Variants in SLC44A5 observed in about 807,000 individuals in gnomAD.
SLC44A5 encodes the protein choline transporter-like protein 5.
In SLC44A5, 57 loss-of-function variants were observed where a neutral mutation model predicts 101.8. The observed-to-expected ratio is 0.56, with a 90% CI of 0.45 to 0.70. The LOEUF (loss-of-function observed/expected upper bound fraction) is 0.70, where lower values mean the gene tolerates loss of function less well. Ranked by LOEUF, SLC44A5 falls within the 30% of genes least tolerant of loss-of-function variation. The pLI is 0.00. For missense variants in SLC44A5, 737 were observed against 853.1 expected, an observed-to-expected ratio of 0.86 and a Z score of 1.70; for synonymous variants, 281 against 290.9, an observed-to-expected ratio of 0.97 and a Z score of 0.35.
chr1:75,571,195 A>G (rs1673054414), intron 1 of SLC44A5, among the ~76,000 whole-genome samples: 1 of 152,216 alleles, frequency 6.6e-6, no homozygotes, highest in South Asian at 2.1e-4. Context: ...ATATATTATG[A>G]AAAAACATAG....
intron 2 of SLC44A5, among the ~76,000 whole-genome samples, chr1:75,419,901 C>T (rs1199566514): frequency 2.0e-5 from 3 of 152,196 alleles, no homozygotes; most frequent in South Asian, 2.1e-4. Context: ...AAGTTAAAGA[C>T]GTGTCTGCTG....
At chr1:75,385,672 A>G (rs1661276015) in intron 3 of SLC44A5, among the ~76,000 whole-genome samples, 1 of 152,210 alleles carries the variant, frequency 6.6e-6, no homozygotes, top group Non-Finnish European at 1.5e-5. Flanking sequence ...TATTCCAATC[A>G]ATAGAAAAAG....
chr1:75,589,556 CA>C (rs937163351), intron 1 of SLC44A5, among the ~76,000 whole-genome samples: 24 of 152,134 alleles, frequency 1.6e-4, no homozygotes, highest in African/African-American at 5.8e-4. Flanking sequence ...ATCCAATTAA[CA>C]ACTATCTACA....
chr1:75,582,379 A>G lies in SLC44A5; in HGVS notation c.-70+28661T>C, dbSNP rs1278121264. 5 of 871,076 alleles carry G rather than the reference A, an allele frequency of 5.7e-6. No individual in the cohort carries two copies. The Admixed American group carries it at 8.0e-5, about 14-fold the overall frequency. 54.0% of individuals were successfully genotyped at this position (871,076 alleles called of 1,614,324 possible). A position where few individuals can be genotyped will look rare whatever the true frequency, so the allele number is the denominator to read the frequency against. ...AGGGTGTCAGCCACAAGCTCCATCGACTTGCCCACATTGCCCACTCCAAGC... is the reference window on the plus strand; with the variant it reads ...AGGGTGTCAGCCACAAGCTCCATCGGCTTGCCCACATTGCCCACTCCAAGC... On this transcript the variant is annotated intron_variant, in intron 1 of 23. Coordinates refer to ENST00000370859, the MANE Select transcript of SLC44A5 (RefSeq NM_001130058.2).
intron 2 of SLC44A5, among the ~76,000 whole-genome samples, chr1:75,458,033 G>A (rs554155158): frequency 6.6e-6 from 1 of 152,224 alleles, no homozygotes; most frequent in South Asian, 2.1e-4. Context: ...AATGAGCCCA[G>A]CACATAAACA....
chr1:75,537,276 C>T (rs961116907), intron 2 of SLC44A5, among the ~76,000 whole-genome samples: 1 of 151,916 alleles, frequency 6.6e-6, no homozygotes, highest in East Asian at 1.9e-4. Flanking sequence ...CTTTATTTCT[C>T]TTCTAATCAA....
the SLC44A5 span, among the ~76,000 whole-genome samples, chr1:75,643,353 G>A: frequency 0.79 from 119,686 of 152,106 alleles, 47,853 homozygotes; most frequent in East Asian, 0.96. Flanking sequence ...TTTCATTAAA[G>A]TAGTCTTTGG....
the SLC44A5 span, among the ~76,000 whole-genome samples, chr1:75,618,870 GA>G: frequency 1.7e-3 from 257 of 152,166 alleles, no homozygotes; most frequent in African/African-American, 6.0e-3. Context: ...AGGAGTTCAC[GA>G]CCAGCCTGGC....
At chr1:75,578,333 A>ATT (rs1209197523) in intron 1 of SLC44A5, among the ~76,000 whole-genome samples, 1 of 151,286 alleles carries the variant, frequency 6.6e-6, no homozygotes, top group Non-Finnish European at 1.5e-5. Flanking sequence ...ACAAAAAAAC[A>ATT]TCTAACACAC....
chr1:75,204,369 T>C (rs1646714390), intron 23 of SLC44A5: 1 of 152,232 alleles, frequency 6.6e-6, no homozygotes, highest in Non-Finnish European at 1.5e-5. Flanking sequence ...TTATTCTACA[T>C]ATTTCAATTA....
chr1:75,702,293 A>C, the SLC44A5 span, among the ~76,000 whole-genome samples: 1 of 152,226 alleles, frequency 6.6e-6, no homozygotes, highest in African/African-American at 2.4e-5. Context: ...ACAGCATGGT[A>C]CTGGTATCAA....
At chr1:75,545,441 T>C (rs1202132405) in intron 1 of SLC44A5, among the ~76,000 whole-genome samples, 2 of 152,220 alleles carry the variant, frequency 1.3e-5, no homozygotes, top group Admixed American at 1.3e-4. Context: ...TTAAAGAATG[T>C]CCCTTTGGTT....
In SLC44A5 at chr1:75,288,075, G is replaced by A. The variant is rs189603732; in HGVS notation, c.175+12537C>T. Among the ~76,000 whole-genome samples the A allele has an allele frequency of 4.5e-3, 688 of 152,136 alleles. 11 individuals are homozygous for A. Among genetic ancestry groups the A allele is most frequent in the African/African-American group, 0.016 (654 of 41,492 alleles). On this transcript the variant is annotated intron_variant, in intron 5 of 23. Transcript: ENST00000370859. The stretch of plus-strand genomic sequence containing the variant: ...GTGTCCTTTGTCTTCAAAGGTTTTC[G>A]GCTGTCTCACAGAGCCTCAGCAGCA...
the SLC44A5 span, among the ~76,000 whole-genome samples, chr1:75,712,428 A>C: frequency 6.6e-6 from 1 of 152,248 alleles, no homozygotes; most frequent in Non-Finnish European, 1.5e-5. Flanking sequence ...AGTAAGTATT[A>C]GTTCCTGGGA....
intron 4 of SLC44A5, among the ~76,000 whole-genome samples, chr1:75,315,440 A>AAAAAG (rs1172066753): frequency 6.6e-6 from 1 of 152,120 alleles, no homozygotes; most frequent in African/African-American, 2.4e-5. Context: ...TATGCCCCCA[A>AAAAAG]ACATGAATTT....
intron 2 of SLC44A5, among the ~76,000 whole-genome samples, chr1:75,521,388 T>C (rs1670114839): frequency 6.6e-6 from 1 of 151,918 alleles, no homozygotes; most frequent in South Asian, 2.1e-4. Flanking sequence ...TTCTTAATTC[T>C]ATAAAAAAAA....
At chr1:75,247,989 T>G (rs1224185517) in intron 7 of SLC44A5, among the ~76,000 whole-genome samples, 3 of 152,052 alleles carry the variant, frequency 2.0e-5, no homozygotes, top group Non-Finnish European at 4.4e-5. Flanking sequence ...GGAAAAATTT[T>G]TTAAGATTAA....
chr1:75,223,013 G>A (rs1388715510), intron 13 of SLC44A5, among the ~76,000 whole-genome samples: 1 of 151,578 alleles, frequency 6.6e-6, no homozygotes, highest in East Asian at 1.9e-4. Context: ...TTAAACTGAG[G>A]GAACCTAGTT....
chr1:75,223,188 TC>T (rs1407297409), intron 13 of SLC44A5, among the ~76,000 whole-genome samples: 2 of 152,186 alleles, frequency 1.3e-5, no homozygotes, highest in African/African-American at 4.8e-5. Context: ...AATCTTGGGT[TC>T]TTTTTGGCTT....
Sources: allele counts gnomAD v4.1 joint callset (sites outside exome capture counted in the v4.1 genomes callset), GRCh38; gene constraint gnomAD v4.1.1; transcripts MANE v1.5; gene names NCBI Gene and HGNC (gene_info 2026-07-23, HGNC 2026-07-21).